The following NR2E1 variants were observed in gnomAD, a reference collection of about 807,000 sequenced individuals.
NR2E1 encodes nuclear receptor TLX.
NR2E1 carries 5 observed loss-of-function variants against 43.6 expected under a neutral mutation model. The ratio of observed to expected loss-of-function variants is 0.11; its 90% confidence interval spans 0.06 to 0.24. The LOEUF is 0.24. Among genes scored for constraint, NR2E1 ranks in the 10% least tolerant of loss-of-function variants. The probability of loss-of-function intolerance (pLI) is 1.00; values close to 1 mark genes in which losing one functional copy is unlikely to be tolerated. For synonymous variants in NR2E1, 191 were observed against 195.5 expected, an observed-to-expected ratio of 0.98 and a Z score of 0.19; for missense variants, 287 against 496.7, an observed-to-expected ratio of 0.58 and a Z score of 4.01.
chr6:108,168,225 CA>C, intron 1 of NR2E1: 1 of 1,485,760 alleles, frequency 6.7e-7, no homozygotes, highest in Non-Finnish European at 9.0e-7. Context: ...CCAGGAGGCT[CA>C]GGAGGCCGTT....
rs143132592 is a variant in NR2E1, at chr6:108,178,097, C to T, written c.498C>T (p.Tyr166=). Residue 166 remains tyrosine, a splice_region_variant and synonymous_variant, in exon 5 of 9, where the codon TAC becomes TAT. Coordinates refer to ENST00000368986, the MANE Select transcript of NR2E1 (RefSeq NM_003269.5). ...LVSLAQPTPK[Y]PHEVNGTPMY... is the part of the protein sequence containing the mutation. Reference sequence around the variant, plus strand: ...GTCTTTCTTTCTTCCCTACCCAGTACCCCCATGAAGTGAATGGGACCCCAA... The same window carrying T: ...GTCTTTCTTTCTTCCCTACCCAGTATCCCCATGAAGTGAATGGGACCCCAA... The T allele has an allele frequency of 8.7e-5, 140 of 1,614,150 alleles. No homozygotes were observed. In the African/African-American group the frequency reaches 1.7e-3, roughly 19 times the overall value.
intron 2 of NR2E1, 38 bp downstream of exon 2, chr6:108,171,641 GC>G: frequency 6.2e-7 from 1 of 1,612,900 alleles, no homozygotes. Flanking sequence ...GCTCCGCTCT[GC>G]TGCCTCCTCA....
chr6:108,181,675 T>C (rs143662141), intron 8 of NR2E1, 24 bp downstream of exon 8: 31 of 1,586,992 alleles, frequency 2.0e-5, no homozygotes, highest in Non-Finnish European at 2.6e-5. Flanking sequence ...GCCTTGAACA[T>C]GTACTTAAGA....
At chr6:108,185,436 T>TTTTTG (rs376879674) in intron 8 of NR2E1, among the ~76,000 whole-genome samples, 1 of 142,854 alleles carries the variant, frequency 7.0e-6, no homozygotes, top group South Asian at 2.4e-4. Flanking sequence ...ACACACATTG[T>TTTTTG]TTTTGTTTTG....
chr6:108,181,717 C>T (rs953088723), intron 8 of NR2E1, 66 bp downstream of exon 8: 12 of 1,154,390 alleles, frequency 1.0e-5, no homozygotes, highest in African/African-American at 4.5e-5. Flanking sequence ...CCTGAGCAGG[C>T]GGTAATAAGC....
chr6:108,187,200 C>A, intron 8 of NR2E1, 101 bp from the exon 9 acceptor site: 1 of 1,349,708 alleles, frequency 7.4e-7, no homozygotes, highest in Non-Finnish European at 1.1e-6. Flanking sequence ...TTCAAGAGAC[C>A]TAGATCAGCA....
Position 108,180,712 on chromosome 6 carries a change from G to T in NR2E1, c.740-95G>T. 8.7e-7 allele frequency: 1 copy of T among 1,150,726 alleles called. No individual in the cohort carries two copies. Among genetic ancestry groups the T allele is most frequent in the Admixed American group, 1.8e-5 (1 of 55,508 alleles). The allele number at this position is 1,150,726 out of a possible 1,614,324, so 71.3% of individuals were successfully genotyped here. On this transcript the variant is annotated intron_variant, in intron 6 of 8. Transcript: ENST00000368986. The surrounding 1 kb of genome is among the most constrained non-coding windows in gnomAD (Gnocchi z 5.4). ...AATCAGATATCTTAGAGTGACAATT[G>T]AATAGATATTGATATGCAGGATTTT...
intron 5 of NR2E1, 64 bp downstream of exon 5, chr6:108,178,305 A>T (rs1582447257): frequency 6.3e-7 from 1 of 1,582,650 alleles, no homozygotes; most frequent in East Asian, 2.2e-5. Context: ...ACTCAGCCTT[A>T]TAAAACTTCC....
intron 7 of NR2E1, among the ~76,000 whole-genome samples, chr6:108,181,219 G>A (rs1773980442): frequency 6.6e-6 from 1 of 151,608 alleles, no homozygotes; most frequent in South Asian, 2.1e-4. Context: ...TGGAGATGGT[G>A]TCTTGCTCTT....
rs1387727244 is a variant in NR2E1, at chr6:108,166,855, T to C, written c.25+65T>C. ...GCCTGGGGCGAGCGAGCGGGGAGGC[T>C]GGGGGAGGTCCTGCCTGGAGCGCTG... On this transcript the variant is annotated intron_variant, in intron 1 of 8. Transcript: ENST00000368986. The surrounding 1 kb of genome is among the most constrained non-coding windows in gnomAD (Gnocchi z 7.2). 6.7e-7 allele frequency: 1 copy of C among 1,496,574 alleles called. No homozygotes were observed. Among genetic ancestry groups the C allele is most frequent in the South Asian group, 1.2e-5 (1 of 83,832 alleles). 92.7% of individuals were successfully genotyped at this position (1,496,574 alleles called of 1,614,324 possible).
chr6:108,171,590 A>G lies in NR2E1; in HGVS notation c.158A>G (p.Lys53Arg). Residue 53 changes from lysine to arginine, a missense_variant, in exon 2 of 9, where the codon AAA becomes AGA. Lys to Arg is a conservative substitution (Grantham distance 26). Around this residue, in one of 4 missense-constraint regions of NR2E1, gnomAD observed 46 missense variants for 132.3 expected, o/e 0.35. Transcript: ENST00000368986. ...CGAAGGAATAGGACCTATGTCTGCA[A>G]ATCTGGAAACCAGGTACCTTAGCCA... ...SIRRNRTYVC[K>R]SGNQGGCPVD... is the part of the protein sequence containing the mutation. The G allele has an allele frequency of 6.2e-7, 1 of 1,614,076 alleles. No homozygotes were observed.
rs1481752191 is a variant in NR2E1 at position 108,176,469 on chromosome 6, T to A, written c.260-34T>A. On this transcript the variant is annotated intron_variant, in intron 3 of 8. Transcript: ENST00000368986. ...AGCGGCTGTGTCTCGACGTCTCTAA[T>A]CGCCGGCATGCGTTTCTCTGTTTGC... 5.6e-6 allele frequency: 9 copies of A among 1,603,690 alleles called. No homozygotes were observed. In the Admixed American group the frequency reaches 1.5e-4, roughly 27 times the overall value.
intron 1 of NR2E1, chr6:108,168,016 G>T (rs993021314): frequency 1.9e-6 from 3 of 1,584,884 alleles, no homozygotes; most frequent in African/African-American, 2.7e-5. Flanking sequence ...TGAACAAAAA[G>T]AAAAGGAGAA....
intron 3 of NR2E1, chr6:108,176,284 CCCT>C: frequency 1.7e-6 from 1 of 594,234 alleles, no homozygotes; most frequent in Non-Finnish European, 3.0e-6. Context: ...GAGCACGGGC[CCCT>C]CTTCTAAGCC....
chr6:108,166,637 A>C lies in NR2E1; in HGVS notation c.-129A>C. ...GCAGCGCAGCGCGCGACTGACACCC[A>C]CCTGTCCCGCCCAGGAGCCTTGCAG... On this transcript the variant is annotated 5_prime_UTR_variant, in exon 1 of 9. Transcript: ENST00000368986. The surrounding 1 kb of genome is among the most constrained non-coding windows in gnomAD (Gnocchi z 7.2). 1.4e-6 allele frequency: 1 copy of C among 703,722 alleles called. No homozygotes were observed. Among genetic ancestry groups the C allele is most frequent in the South Asian group, 2.1e-5 (1 of 47,608 alleles). The allele number at this position is 703,722 out of a possible 1,614,324, so 43.6% of individuals were successfully genotyped here. A position where few individuals can be genotyped will look rare whatever the true frequency, so the allele number is the denominator to read the frequency against.
Position 108,187,775 on chromosome 6 carries a change from A to C in NR2E1, c.*312A>C. On this transcript the variant is annotated 3_prime_UTR_variant, in exon 9 of 9. Transcript: ENST00000368986. ...CATTCTGCCTCTTACCTGGAAGATC[A>C]GGCTGAACGATCAAAAGCTGAAACA... 1 of 392,876 alleles carries C rather than the reference A, an allele frequency of 2.5e-6. No individual in the cohort carries two copies. The highest frequency in any genetic ancestry group is 3.7e-5 in the Admixed American group (1 of 26,996). The allele number at this position is 392,876 out of a possible 1,614,324, so 24.3% of individuals were successfully genotyped here. A position where few individuals can be genotyped will look rare whatever the true frequency, so the allele number is the denominator to read the frequency against.
chr6:108,183,935 T>C (rs1484412932), intron 8 of NR2E1, among the ~76,000 whole-genome samples: 2 of 152,228 alleles, frequency 1.3e-5, no homozygotes, highest in Non-Finnish European at 2.9e-5. Flanking sequence ...CTCACACCTG[T>C]AATCCCAAGC....
At position 108,181,660 on chromosome 6, in the gene NR2E1, T is replaced by C. The variant is rs1245889019; in HGVS notation, c.995+9T>C. ...AGCTACATCCATACCAGGTGACCCT[T>C]GTTTGCCTTGAACATGTACTTAAGA... On this transcript the variant is annotated intron_variant, in intron 8 of 8. Coordinates refer to ENST00000368986, the MANE Select transcript of NR2E1 (RefSeq NM_003269.5). 1.6e-5 allele frequency: 25 copies of C among 1,610,362 alleles called. No individual in the cohort carries two copies. The highest frequency in any genetic ancestry group is 2.0e-5 in the Non-Finnish European group (23 of 1,176,554).
At chr6:108,173,922 A>G (rs1462354128) in intron 2 of NR2E1, among the ~76,000 whole-genome samples, 1 of 152,190 alleles carries the variant, frequency 6.6e-6, no homozygotes, top group Admixed American at 6.5e-5. Flanking sequence ...TAAACATCTA[A>G]TTTCTCATGC....
Sources: allele counts gnomAD v4.1 joint callset (sites outside exome capture counted in the v4.1 genomes callset), GRCh38; gene constraint gnomAD v4.1.1; regional missense constraint gnomAD v4.1.1; non-coding constraint Gnocchi (gnomAD v3.1); transcripts MANE v1.5; gene names NCBI Gene and HGNC (gene_info 2026-07-23, HGNC 2026-07-21).